ATXN7L1: variants seen among roughly 807,000 people sequenced by gnomAD.
ATXN7L1 encodes the protein ataxin-7-like protein 1.
A neutral mutation model predicts 70.8 loss-of-function variants in ATXN7L1; 15 were observed. The observed-to-expected ratio is 0.21, with a 90% CI of 0.14 to 0.33. The LOEUF (loss-of-function observed/expected upper bound fraction) is 0.33, where lower values mean the gene tolerates loss of function less well. Among genes scored for constraint, ATXN7L1 ranks in the 10% least tolerant of loss-of-function variants. ATXN7L1 has a pLI of 1.00. For missense variants in ATXN7L1, 975 were observed against 1,097.1 expected (o/e 0.89, Z 1.57); for synonymous variants, 440 against 445.1 (o/e 0.99, Z 0.14).
chr7:105,824,040 G>A (rs1686711572), intron 2 of ATXN7L1, among the ~76,000 whole-genome samples: 1 of 152,152 alleles, frequency 6.6e-6, no homozygotes, highest in African/African-American at 2.4e-5. Flanking sequence ...TAAACAGAGT[G>A]GATGGACTGA....
At chr7:105,735,580 G>C (rs553980186) in intron 3 of ATXN7L1, among the ~76,000 whole-genome samples, 102 of 152,270 alleles carry the variant, frequency 6.7e-4, no homozygotes, top group African/African-American at 2.4e-3. Flanking sequence ...AAAGAGAAAA[G>C]TGCAACAAAC....
intron 2 of ATXN7L1, among the ~76,000 whole-genome samples, chr7:105,841,104 G>A (rs577353155): frequency 2.9e-4 from 44 of 152,312 alleles, no homozygotes; most frequent in African/African-American, 7.2e-4. Context: ...AGCTTTGTGC[G>A]TGCTGCACAG....
chr7:105,853,632 T>C (rs1477192366), intron 2 of ATXN7L1, among the ~76,000 whole-genome samples: 1 of 147,082 alleles, frequency 6.8e-6, no homozygotes, highest in Admixed American at 6.7e-5. Flanking sequence ...GGCGTGGTGG[T>C]GGGCGCCTGT....
chr7:105,759,140 C>CT (rs11371276), intron 3 of ATXN7L1, among the ~76,000 whole-genome samples: 64,235 of 144,730 alleles, frequency 0.44, 15,795 homozygotes, highest in East Asian at 0.96. Context: ...ATTTAGTGGC[C>CT]TTTTTTTTAG....
chr7:105,696,017 C>T (rs1243643558), intron 3 of ATXN7L1, among the ~76,000 whole-genome samples: 1 of 152,150 alleles, frequency 6.6e-6, no homozygotes, highest in Non-Finnish European at 1.5e-5. Context: ...CAGAGGGGAG[C>T]CTGTCAGGAG....
At chr7:105,850,935 G>T (rs1400819639) in intron 2 of ATXN7L1, among the ~76,000 whole-genome samples, 1 of 152,106 alleles carries the variant, frequency 6.6e-6, no homozygotes, top group Non-Finnish European at 1.5e-5. Flanking sequence ...TGTCACTTCA[G>T]TTCTTATTCC....
chr7:105,655,471 G>A (rs1322636604), intron 4 of ATXN7L1, among the ~76,000 whole-genome samples: 1 of 152,242 alleles, frequency 6.6e-6, no homozygotes, highest in Non-Finnish European at 1.5e-5. Flanking sequence ...GATGGGCAGA[G>A]TGAGGGGCAA....
intron 4 of ATXN7L1, among the ~76,000 whole-genome samples, chr7:105,653,681 A>G (rs1327600255): frequency 6.6e-6 from 1 of 152,110 alleles, no homozygotes; most frequent in African/African-American, 2.4e-5. Context: ...TCTGACCATG[A>G]AAGTCTTTGT....
At chr7:105,711,716 A>G (rs1793935785) in intron 3 of ATXN7L1, among the ~76,000 whole-genome samples, 1 of 152,284 alleles carries the variant, frequency 6.6e-6, no homozygotes, top group African/African-American at 2.4e-5. Context: ...GGCTACTTTC[A>G]TGGTGTTGAG....
intron 4 of ATXN7L1, among the ~76,000 whole-genome samples, chr7:105,649,957 AG>A (rs1799605865): frequency 6.6e-6 from 1 of 152,234 alleles, no homozygotes; most frequent in Non-Finnish European, 1.5e-5. Flanking sequence ...GAGCCTTAGA[AG>A]GGCCATATCA....
intron 9 of ATXN7L1, among the ~76,000 whole-genome samples, chr7:105,618,560 A>T (rs1794266402): frequency 6.6e-6 from 1 of 152,164 alleles, no homozygotes; most frequent in African/African-American, 2.4e-5. Flanking sequence ...AAGGTGTCGT[A>T]GCTGCCTGGG....
intron 2 of ATXN7L1, among the ~76,000 whole-genome samples, chr7:105,793,477 C>T (rs1319506717): frequency 6.6e-6 from 1 of 152,180 alleles, no homozygotes; most frequent in African/African-American, 2.4e-5. Context: ...CTCCTAAGGA[C>T]TCTCCCCCAT....
At chr7:105,709,347 AT>A (rs377542960) in intron 3 of ATXN7L1, among the ~76,000 whole-genome samples, 5 of 151,644 alleles carry the variant, frequency 3.3e-5, no homozygotes, top group South Asian at 2.1e-4. Flanking sequence ...AAAAAAAAGA[AT>A]TTTTTTTCTA....
chr7:105,613,827 AG>A, intron 10 of ATXN7L1, 34 bp downstream of exon 10: 2 of 1,551,710 alleles, frequency 1.3e-6, no homozygotes, highest in South Asian at 2.4e-5. Flanking sequence ...CCTGCCCCCC[AG>A]AGCCGGTGAA....
At chr7:105,619,170 C>T (rs1290253299) in intron 9 of ATXN7L1, among the ~76,000 whole-genome samples, 25 of 1,578 alleles carry the variant, frequency 0.016, no homozygotes, top group Admixed American at 0.11. Flanking sequence ...TTTTTTGAGA[C>T]GGAGTCTCCC....
chr7:105,638,381 A>G lies in ATXN7L1; in HGVS notation c.1174T>C (p.Ser392Pro), dbSNP rs1797691143. 1.3e-6 allele frequency: 2 copies of G among 1,552,040 alleles called. No homozygotes were observed. Among genetic ancestry groups the G allele is most frequent in the Non-Finnish European group, 1.7e-6 (2 of 1,147,058 alleles). Residue 392 changes from serine to proline, a missense_variant, in exon 7 of 12, where the codon TCC (serine) becomes CCC (proline). Around this residue, in one of 5 missense-constraint regions of ATXN7L1, gnomAD observed 635 missense variants for 699.4 expected, o/e 0.91. Transcript: ENST00000419735. ...PEPKVASPAK[S>P]RPPNSVLPRP... The stretch of plus-strand genomic sequence containing the variant: ...GGAAGTACAGAGTTGGGTGGTCTGG[A>G]TTTTGCAGGGGATGCAACTTTTGGT...
chr7:105,675,649 G>C (rs1458912823), intron 3 of ATXN7L1, among the ~76,000 whole-genome samples: 3 of 151,866 alleles, frequency 2.0e-5, no homozygotes, highest in African/African-American at 7.3e-5. Flanking sequence ...AAAAGCACTT[G>C]ATAAATACAT....
At chr7:105,776,631 G>T (rs997987558) in intron 3 of ATXN7L1, among the ~76,000 whole-genome samples, 1 of 152,066 alleles carries the variant, frequency 6.6e-6, no homozygotes, top group Admixed American at 6.6e-5. Context: ...AGTGTGAGAG[G>T]GGGGAGGGGT....
At chr7:105,695,218 C>T (rs1345408907) in intron 3 of ATXN7L1, among the ~76,000 whole-genome samples, 1 of 151,960 alleles carries the variant, frequency 6.6e-6, no homozygotes, top group East Asian at 1.9e-4. Context: ...ATCCAGGAGG[C>T]AGAGGTTGCA....
Sources: gnomAD v4.1 joint callset for allele counts (sites outside exome capture counted in the v4.1 genomes callset) on GRCh38, gnomAD v4.1.1 for gene constraint, gnomAD v4.1.1 regional missense constraint, MANE v1.5 for transcripts, NCBI Gene and HGNC (gene_info 2026-07-23, HGNC 2026-07-21) for gene names.